AGBL4: variants seen among roughly 807,000 people sequenced by gnomAD.
AGBL4 encodes the protein AGBL carboxypeptidase 4, also known as cytosolic carboxypeptidase 6.
Under a neutral mutation model 66.4 loss-of-function variants are expected in AGBL4, and 58 were observed. The ratio of observed to expected loss-of-function variants is 0.87; its 90% CI spans 0.71 to 1.09. The LOEUF (loss-of-function observed/expected upper bound fraction) is 1.09. Ranked by LOEUF, AGBL4 falls within the 50% of genes least tolerant of loss-of-function variation. The pLI is 0.00. For missense variants in AGBL4, 579 were observed against 631.0 expected, an observed-to-expected ratio of 0.92 and a Z score of 0.88; for synonymous variants, 234 against 222.9, an observed-to-expected ratio of 1.05 and a Z score of -0.44.
chr1:49,253,003 G>A (rs1451190952), intron 3 of AGBL4, among the ~76,000 whole-genome samples: 1 of 151,962 alleles, frequency 6.6e-6, no homozygotes, highest in East Asian at 1.9e-4. Flanking sequence ...ACATAAACAA[G>A]TCCACAAAAT....
intron 3 of AGBL4, among the ~76,000 whole-genome samples, chr1:49,408,025 C>T (rs1027702452): frequency 2.6e-5 from 4 of 152,188 alleles, no homozygotes; most frequent in African/African-American, 9.7e-5. Flanking sequence ...CCAGCTCAGA[C>T]ACCCCATTTA....
At chr1:49,245,255 A>G (rs1651543809) in intron 4 of AGBL4, among the ~76,000 whole-genome samples, 1 of 92,958 alleles carries the variant, frequency 1.1e-5, no homozygotes, top group Non-Finnish European at 2.4e-5. Context: ...AGAACTTTAA[A>G]ATACACACAC....
chr1:48,909,710 T>C (rs1427945204), intron 5 of AGBL4, among the ~76,000 whole-genome samples: 13 of 152,326 alleles, frequency 8.5e-5, no homozygotes, highest in Non-Finnish European at 1.8e-4. Flanking sequence ...TCAAAGCATC[T>C]GCAATGCAGT....
intron 6 of AGBL4, among the ~76,000 whole-genome samples, chr1:48,849,721 C>T (rs1646991174): frequency 6.6e-6 from 1 of 152,108 alleles, no homozygotes. Context: ...GCCTGTAATC[C>T]CAGCACTTTG....
intron 3 of AGBL4, among the ~76,000 whole-genome samples, chr1:49,388,922 T>A (rs1235593221): frequency 6.6e-6 from 1 of 152,152 alleles, no homozygotes. Context: ...GTTCCTGGGA[T>A]ACAAATATGA....
At chr1:49,948,574 TATATATATAGAG>T (rs1266918014) in intron 1 of AGBL4, among the ~76,000 whole-genome samples, 2 of 121,650 alleles carry the variant, frequency 1.6e-5, no homozygotes, top group African/African-American at 3.4e-5. Context: ...AATATATATA[TATATATATAGAG>T]AGAGAGAGAG....
chr1:49,405,759 G>A (rs1348124038), intron 3 of AGBL4, among the ~76,000 whole-genome samples: 1 of 152,176 alleles, frequency 6.6e-6, no homozygotes, highest in East Asian at 1.9e-4. Context: ...GGCAACCTCT[G>A]AATATCATGG....
At chr1:49,101,732 G>A (rs1429101551) in intron 4 of AGBL4, among the ~76,000 whole-genome samples, 1 of 152,090 alleles carries the variant, frequency 6.6e-6, no homozygotes, top group Non-Finnish European at 1.5e-5. Context: ...ATCCAGAAAA[G>A]TATGAGACAA....
In AGBL4 at chr1:48,810,328, G is replaced by A. The variant is rs1443581327; in HGVS notation, c.634+56863C>T. On this transcript the variant is annotated intron_variant, in intron 6 of 13. Transcript: ENST00000371839. ...ATTTTTGTAAAAATATATTCCCTAA[G>A]CCATTTGTCAGATGATTTCTTTTAC... 2.0e-5 allele frequency among the ~76,000 whole-genome samples: 3 copies of A among 152,288 alleles called. No individual in the cohort carries two copies. The East Asian group carries it at 5.8e-4, about 29-fold the overall frequency.
rs551893811 is a variant in AGBL4 at position 50,011,450 on chromosome 1, CA to C, written c.34+12312del. Among the ~76,000 whole-genome samples the C allele has an allele frequency of 2.0e-5, 3 of 152,242 alleles. No homozygotes were observed. In the East Asian group the frequency reaches 5.8e-4, roughly 29 times the overall value. Reference sequence around the variant, plus strand: ...CTGCTGGTGGGAATGTAAATTAGTACAACCACTGTTGAGAAGCGTTTGGAGG... The same window carrying C: ...CTGCTGGTGGGAATGTAAATTAGTACACCACTGTTGAGAAGCGTTTGGAGG... On this transcript the variant is annotated intron_variant, in intron 1 of 13. Coordinates refer to ENST00000371839, the MANE Select transcript of AGBL4 (RefSeq NM_032785.4).
chr1:49,835,501 C>T (rs1465773640), intron 2 of AGBL4, among the ~76,000 whole-genome samples: 1 of 152,120 alleles, frequency 6.6e-6, no homozygotes, highest in Non-Finnish European at 1.5e-5. Context: ...ATACAGCACA[C>T]TGATGGGTGT....
At chr1:49,242,460 G>A (rs1308079714) in intron 4 of AGBL4, among the ~76,000 whole-genome samples, 2 of 152,018 alleles carry the variant, frequency 1.3e-5, no homozygotes, top group East Asian at 3.8e-4. Context: ...TTTCTGGCTG[G>A]TGCTACCACT....
At chr1:49,825,952 A>C (rs565536627) in intron 2 of AGBL4, among the ~76,000 whole-genome samples, 19 of 152,228 alleles carry the variant, frequency 1.2e-4, no homozygotes, top group Admixed American at 6.5e-4. Context: ...ATAGTAAATA[A>C]TAAAAAAAAA....
At chr1:49,620,422 C>A (rs1182540274) in intron 3 of AGBL4, among the ~76,000 whole-genome samples, 4 of 152,046 alleles carry the variant, frequency 2.6e-5, no homozygotes, top group African/African-American at 9.7e-5. Flanking sequence ...AATGAGATAC[C>A]ATCTCATGCC....
rs185505271 is a variant in AGBL4 at position 48,846,305 on chromosome 1, T to G, written c.634+20886A>C. On this transcript the variant is annotated intron_variant, in intron 6 of 13. Coordinates refer to ENST00000371839, the MANE Select transcript of AGBL4 (RefSeq NM_032785.4). ...ACTCAAGATTTGTAAGATAGATAGA[T>G]AGATAGACAGATAGATAGATCGATA... Among the ~76,000 whole-genome samples the G allele has an allele frequency of 5.0e-4, 73 of 145,894 alleles. 1 individual carries two copies. In the South Asian group the frequency reaches 0.01, roughly 20 times the overall value.
chr1:49,784,328 C>T (rs2147912266), intron 2 of AGBL4, among the ~76,000 whole-genome samples: 1 of 152,166 alleles, frequency 6.6e-6, no homozygotes, highest in Non-Finnish European at 1.5e-5. Flanking sequence ...TAAATCCTTA[C>T]ATTTATGGTC....
chr1:49,106,033 A>C (rs1264900048), intron 4 of AGBL4, among the ~76,000 whole-genome samples: 2 of 152,206 alleles, frequency 1.3e-5, no homozygotes, highest in East Asian at 3.9e-4. Flanking sequence ...TGTAACTTGA[A>C]AACATATCTT....
chr1:49,854,963 T>C (rs938499836), intron 1 of AGBL4, among the ~76,000 whole-genome samples: 1 of 152,192 alleles, frequency 6.6e-6, no homozygotes, highest in Non-Finnish European at 1.5e-5. Context: ...TCCAGTTTTA[T>C]AGATGGTTGG....
intron 1 of AGBL4, among the ~76,000 whole-genome samples, chr1:49,901,649 A>C (rs1177916728): frequency 6.6e-6 from 1 of 152,206 alleles, no homozygotes; most frequent in African/African-American, 2.4e-5. Context: ...TATTCCTATC[A>C]ATCTAGCAAT....
Sources: gnomAD v4.1 joint callset for allele counts (sites outside exome capture counted in the v4.1 genomes callset) on GRCh38, gnomAD v4.1.1 for gene constraint, MANE v1.5 for transcripts, NCBI Gene and HGNC (gene_info 2026-07-23, HGNC 2026-07-21) for gene names.